The following PPFIBP1 variants were observed in gnomAD, a reference collection of about 807,000 sequenced individuals.
PPFIBP1 encodes liprin-beta-1.
PPFIBP1 carries 112 observed loss-of-function variants against 137.8 expected under a neutral mutation model. The ratio of observed to expected loss-of-function variants is 0.81; its 90% CI spans 0.70 to 0.95. PPFIBP1 has a LOEUF of 0.95. PPFIBP1 is among the 40% of genes least tolerant of loss of function. PPFIBP1 has a pLI of 0.00. For missense variants in PPFIBP1, 1,083 were observed against 1,196.6 expected, an observed-to-expected ratio of 0.91 and a Z score of 1.40; for synonymous variants, 378 against 417.3, an observed-to-expected ratio of 0.91 and a Z score of 1.15.
At position 27,688,329 on chromosome 12, in the gene PPFIBP1, G is replaced by A. The variant is rs1378852541; in HGVS notation, c.2402G>A (p.Trp801Ter). ...ATCGCCCCATCAGAAGTTCAGAAGT[G>A]GACTAACCATCGAGTGATGGAGTGG... ...NTIAPSEVQK[W>*]TNHRVMEWLR... is the part of the protein sequence containing the mutation. Residue 801 changes from tryptophan (W) to a stop codon, truncating the protein, a stop_gained, in exon 26 of 30, where the codon TGG becomes TAG. Coordinates refer to ENST00000228425, the MANE Select transcript of PPFIBP1 (RefSeq NM_003622.4). LOFTEE classifies it high-confidence loss of function. The A allele has an allele frequency of 6.2e-7, 1 of 1,613,926 alleles. No individual in the cohort carries two copies. The highest frequency in any genetic ancestry group is 8.5e-7 in the Non-Finnish European group (1 of 1,179,968).
chr12:27,693,104 T>A lies in PPFIBP1; in HGVS notation c.*222T>A. ...AGAGTATAATTGTTTTTCTTCTATT[T>A]AATGTAAAAATCTGTGATATATTAT... On this transcript the variant is annotated 3_prime_UTR_variant, in exon 30 of 30. Coordinates refer to ENST00000228425, the MANE Select transcript of PPFIBP1 (RefSeq NM_003622.4). 1 of 536,100 alleles carries A rather than the reference T, an allele frequency of 1.9e-6. No individual in the cohort carries two copies. The highest frequency in any genetic ancestry group is 3.0e-6 in the Non-Finnish European group (1 of 335,582). The allele number at this position is 536,100 out of a possible 1,614,324, so 33.2% of individuals were successfully genotyped here.
intron 2 of PPFIBP1, among the ~76,000 whole-genome samples, chr12:27,630,495 A>G (rs866596991): frequency 6.6e-6 from 1 of 152,044 alleles, no homozygotes; most frequent in South Asian, 2.1e-4. Context: ...TTTTACTATT[A>G]TATTTCTTTA....
rs764699103 is a variant in PPFIBP1 at position 27,691,919 on chromosome 12, G to A, written c.2856G>A (p.Arg952=). 6.2e-7 allele frequency: 1 copy of A among 1,606,568 alleles called. No homozygotes were observed. The highest frequency in any genetic ancestry group is 1.1e-5 in the South Asian group (1 of 88,880). ...MRLYEEDDLD[R]LEQMEDSEGT... ...TGTATGAGGAAGATGATTTGGACCG[G>A]TTAGAGCAGGTAAATCCAACACTGT... Residue 952 remains arginine, a synonymous_variant, in exon 28 of 30, where the codon CGG becomes CGA. Coordinates refer to ENST00000228425, the MANE Select transcript of PPFIBP1 (RefSeq NM_003622.4).
chr12:27,563,578 C>T (rs191847642), intron 1 of PPFIBP1, among the ~76,000 whole-genome samples: 14 of 151,984 alleles, frequency 9.2e-5, no homozygotes, highest in Admixed American at 4.6e-4. Context: ...CTGCCATTGC[C>T]GACTTTGAAG....
intron 1 of PPFIBP1, among the ~76,000 whole-genome samples, chr12:27,539,552 C>T (rs1385152968): frequency 1.3e-5 from 2 of 152,134 alleles, no homozygotes; most frequent in Non-Finnish European, 2.9e-5. Flanking sequence ...CATCAAGAAG[C>T]CCTATGTTTT....
chr12:27,587,622 C>CAA (rs35185831), intron 2 of PPFIBP1, among the ~76,000 whole-genome samples: 14,740 of 73,048 alleles, frequency 0.2, 1,894 homozygotes, highest in East Asian at 0.41. Context: ...GACTCCATCT[C>CAA]AAAAAAAAAA....
intron 2 of PPFIBP1, among the ~76,000 whole-genome samples, chr12:27,598,200 C>G (rs2053542219): frequency 6.6e-6 from 1 of 152,092 alleles, no homozygotes; most frequent in Non-Finnish European, 1.5e-5. Flanking sequence ...ATACCCAAGA[C>G]TGGGTAATGA....
At chr12:27,625,699 T>A (rs2056759987) in intron 2 of PPFIBP1, among the ~76,000 whole-genome samples, 1 of 151,686 alleles carries the variant, frequency 6.6e-6, no homozygotes, top group Non-Finnish European at 1.5e-5. Context: ...TTCTCCTGCC[T>A]TAGCCTCCCG....
intron 8 of PPFIBP1, among the ~76,000 whole-genome samples, chr12:27,656,142 T>C (rs1271710957): frequency 6.6e-6 from 1 of 151,542 alleles, no homozygotes; most frequent in Non-Finnish European, 1.5e-5. Flanking sequence ...CATGACTTGC[T>C]ACCTTACCCA....
At chr12:27,637,132 G>A (rs1183885404) in intron 4 of PPFIBP1, 12 of 152,238 alleles carry the variant, frequency 7.9e-5, no homozygotes, top group African/African-American at 2.9e-4. Flanking sequence ...TATGTGCAAT[G>A]TGTTTGTGAT....
intron 2 of PPFIBP1, among the ~76,000 whole-genome samples, chr12:27,610,672 A>G (rs776383375): frequency 8.5e-5 from 13 of 152,186 alleles, no homozygotes; most frequent in Non-Finnish European, 1.5e-4. Context: ...TTTCATTGCT[A>G]GTATAAAACT....
intron 2 of PPFIBP1, among the ~76,000 whole-genome samples, chr12:27,607,693 A>G (rs2054666546): frequency 6.6e-6 from 1 of 152,172 alleles, no homozygotes; most frequent in African/African-American, 2.4e-5. Context: ...TGATTTACCA[A>G]AAATCCATAG....
rs1301519856 is a variant in PPFIBP1, at chr12:27,693,425, T to C, written c.*543T>C. On this transcript the variant is annotated 3_prime_UTR_variant, in exon 30 of 30. Coordinates refer to ENST00000228425, the MANE Select transcript of PPFIBP1 (RefSeq NM_003622.4). ...CAGTACATAGAAAATAGAACTTTTA[T>C]TTTGTGACCTAAGGACGATGGTGAA... is the stretch of plus-strand genomic sequence containing the variant. The C allele has an allele frequency of 6.6e-6, 1 of 152,290 alleles. No individual in the cohort carries two copies. Among genetic ancestry groups the C allele is most frequent in the Non-Finnish European group, 1.5e-5 (1 of 68,062 alleles). The allele number at this position is 152,290 out of a possible 1,614,324, so 9.4% of individuals were successfully genotyped here.
chr12:27,547,721 C>T (rs989580294), intron 1 of PPFIBP1: 22 of 152,242 alleles, frequency 1.4e-4, no homozygotes, highest in African/African-American at 5.3e-4. Context: ...GAGCTGTCCC[C>T]ATTTGAGCAA....
intron 7 of PPFIBP1, among the ~76,000 whole-genome samples, chr12:27,651,598 C>T (rs2058879803): frequency 6.6e-6 from 1 of 152,094 alleles, no homozygotes; most frequent in Non-Finnish European, 1.5e-5. Flanking sequence ...CCCATAGTCG[C>T]AGGGTAAAGT....
At chr12:27,567,882 A>G (rs535296104) in intron 1 of PPFIBP1, among the ~76,000 whole-genome samples, 1 of 152,278 alleles carries the variant, frequency 6.6e-6, no homozygotes, top group Admixed American at 6.5e-5. Flanking sequence ...ATCCCATATC[A>G]TTAAGGAGAC....
intron 1 of PPFIBP1, among the ~76,000 whole-genome samples, chr12:27,572,027 C>G (rs2050193608): frequency 6.6e-6 from 1 of 152,126 alleles, no homozygotes; most frequent in Non-Finnish European, 1.5e-5. Flanking sequence ...GATTTCTACC[C>G]TGATGCTTCA....
chr12:27,573,324 T>C (rs1240408273), intron 1 of PPFIBP1, among the ~76,000 whole-genome samples: 2 of 152,180 alleles, frequency 1.3e-5, no homozygotes, highest in Non-Finnish European at 2.9e-5. Flanking sequence ...AAAGGAAGAC[T>C]ACATAGGGAC....
intron 8 of PPFIBP1, chr12:27,655,082 G>A (rs1469478526): frequency 6.2e-6 from 8 of 1,281,806 alleles, no homozygotes; most frequent in Middle Eastern, 1.8e-4. Context: ...CTGTTTTCTC[G>A]GTTATTTAGC....
Sources: allele counts gnomAD v4.1 joint callset (sites outside exome capture counted in the v4.1 genomes callset), GRCh38; gene constraint gnomAD v4.1.1; transcripts MANE v1.5; gene names NCBI Gene and HGNC (gene_info 2026-07-23, HGNC 2026-07-21).